Variants in CUBN observed in about 807,000 individuals in gnomAD.
The protein encoded by CUBN is cubilin, also known as 460 kDa receptor.
CUBN carries 282 observed loss-of-function variants against 405.3 expected under a neutral mutation model. The observed-to-expected ratio is 0.70, with a 90% CI of 0.63 to 0.77. The LOEUF is 0.77. CUBN is among the 30% of genes least tolerant of loss of function. The probability of loss-of-function intolerance (pLI) is 0.00; values close to 1 mark genes in which losing one functional copy is unlikely to be tolerated. For synonymous variants in CUBN, 1,684 were observed against 1,617.0 expected (o/e 1.04, Z -0.99); for missense variants, 4,514 against 4,475.2 (o/e 1.01, Z -0.25).
rs757720260 is a variant in CUBN, at chr10:16,937,638, C to G, written c.5880G>C (p.Trp1960Cys). 1.2e-6 allele frequency: 2 copies of G among 1,613,898 alleles called. No individual in the cohort carries two copies. Among genetic ancestry groups the G allele is most frequent in the South Asian group, 2.2e-5 (2 of 91,080 alleles). The part of the protein sequence containing the change: ...SISGKGFLLE[W>C]FAVDAPDGVL... ...CACCATCAGGTGCATCCACTGCAAA[C>G]CACTCCAGAAGGAATCCCTTCCCTG... is the stretch of plus-strand genomic sequence containing the variant. The change falls in exon 39 of 67, where the codon TGG (tryptophan) becomes TGC (cysteine). Residue 1960 changes from tryptophan to cysteine, a missense_variant. Physicochemically the swap from Trp to Cys is radical, Grantham distance 215. Transcript: ENST00000377833.
At chr10:17,053,842 T>G (rs1437118400) in intron 22 of CUBN, among the ~76,000 whole-genome samples, 1 of 152,036 alleles carries the variant, frequency 6.6e-6, no homozygotes, top group Non-Finnish European at 1.5e-5. Flanking sequence ...TCCATAAATT[T>G]TAAACAATTG....
At chr10:17,007,836 T>C (rs1021862720) in intron 28 of CUBN, among the ~76,000 whole-genome samples, 1 of 152,160 alleles carries the variant, frequency 6.6e-6, no homozygotes, top group African/African-American at 2.4e-5. Context: ...CCTTCTGATA[T>C]GTTACACACA....
intron 27 of CUBN, among the ~76,000 whole-genome samples, chr10:17,022,670 G>C (rs962197071): frequency 3.3e-5 from 5 of 152,204 alleles, no homozygotes; most frequent in Admixed American, 2.0e-4. Context: ...CCCTGCAGGA[G>C]ATTCATCTCA....
chr10:16,930,247 C>G (rs1588660440), intron 40 of CUBN, among the ~76,000 whole-genome samples: 1 of 152,202 alleles, frequency 6.6e-6, no homozygotes, highest in Admixed American at 6.5e-5. Flanking sequence ...TCAAGACTGA[C>G]ATTTATTGAG....
At chr10:17,057,686 A>G (rs1045945486) in intron 22 of CUBN, among the ~76,000 whole-genome samples, 64 of 151,586 alleles carry the variant, frequency 4.2e-4, no homozygotes, top group Admixed American at 6.0e-4. Context: ...AAAAACTGGG[A>G]AAAAAAAGCT....
intron 66 of CUBN, 74 bp from the exon 67 acceptor site, chr10:16,825,156 T>G (rs1564371273): frequency 1.6e-5 from 16 of 1,003,424 alleles, no homozygotes; most frequent in Non-Finnish European, 2.4e-5. Context: ...GTTAGCCTAG[T>G]AACAAAGTAC....
rs1406531967 is a variant in CUBN at position 16,865,276 on chromosome 10, AAC to A, written c.9454+4358_9454+4359del. On this transcript the variant is annotated intron_variant, in intron 59 of 66. Coordinates refer to ENST00000377833, the MANE Select transcript of CUBN (RefSeq NM_001081.4). The stretch of plus-strand genomic sequence containing the variant: ...TGAGCCACCGTGCCCAGCCTACCTG[AAC>A]ATATTTATACATTTGTTGGACTGTA... Among the ~76,000 whole-genome samples the A allele has an allele frequency of 2.8e-4, 42 of 151,994 alleles. 1 individual carries two copies. Among genetic ancestry groups the A allele is most frequent in the Non-Finnish European group, 3.1e-4 (21 of 67,984 alleles).
intron 56 of CUBN, among the ~76,000 whole-genome samples, chr10:16,883,377 GAATAA>G (rs973817042): frequency 6.6e-6 from 1 of 152,146 alleles, no homozygotes; most frequent in African/African-American, 2.4e-5. Context: ...TCTGCCAGTT[GAATAA>G]AATATCAATA....
chr10:17,121,465 A>T (rs1418731389), intron 6 of CUBN, among the ~76,000 whole-genome samples: 1 of 145,508 alleles, frequency 6.9e-6, no homozygotes, highest in Non-Finnish European at 1.5e-5. Flanking sequence ...CAAACACCGC[A>T]TGTTCTCACT....
At chr10:16,857,186 T>C (rs1839890720) in intron 59 of CUBN, among the ~76,000 whole-genome samples, 2 of 152,264 alleles carry the variant, frequency 1.3e-5, no homozygotes, top group African/African-American at 4.8e-5. Flanking sequence ...GTAGTTTTTG[T>C]AATGAGGTTT....
At chr10:16,882,901 C>G (rs988754317) in intron 56 of CUBN, among the ~76,000 whole-genome samples, 27 of 152,052 alleles carry the variant, frequency 1.8e-4, no homozygotes, top group African/African-American at 6.5e-4. Context: ...GTAATCCCAG[C>G]TACTCGGGAG....
In CUBN at chr10:16,918,812, A is replaced by G; in HGVS notation, c.6822-12T>C. ...AGTTGGAAGTACAGCTGAAGTGGGAACAAAATTCTGTTAAATTTACATGGT... is the reference window on the plus strand; with the variant it reads ...AGTTGGAAGTACAGCTGAAGTGGGAGCAAAATTCTGTTAAATTTACATGGT... On this transcript the variant is annotated splice_polypyrimidine_tract_variant and intron_variant, in intron 44 of 66. Transcript: ENST00000377833. 1 of 1,612,682 alleles carries G rather than the reference A, an allele frequency of 6.2e-7. No individual in the cohort carries two copies. The highest frequency in any genetic ancestry group is 8.5e-7 in the Non-Finnish European group (1 of 1,179,052).
At chr10:16,826,285 G>C (rs1335686433) in intron 66 of CUBN, among the ~76,000 whole-genome samples, 1 of 115,108 alleles carries the variant, frequency 8.7e-6, no homozygotes, top group Non-Finnish European at 1.8e-5. Context: ...AATATTACAA[G>C]TTTAACAAAC....
Position 17,071,590 on chromosome 10 carries a change from A to C in CUBN, c.2461T>G (p.Leu821Val), listed in dbSNP as rs777857742. Residue 821 changes from leucine to valine, a missense_variant, in exon 19 of 67, where the codon TTA (leucine) becomes GTA (valine). Coordinates refer to ENST00000377833, the MANE Select transcript of CUBN (RefSeq NM_001081.4). ...AVYQVACGDE[L>V]TGEGVIRSPF... Reference sequence around the variant, plus strand: ...GAGCGAATGACCCCTTCTCCAGTTAATTCATCCCCGCAAGCTGTAAGCATA... The same window carrying C: ...GAGCGAATGACCCCTTCTCCAGTTACTTCATCCCCGCAAGCTGTAAGCATA... The C allele has an allele frequency of 4.1e-5, 66 of 1,613,566 alleles. No homozygotes were observed. Among genetic ancestry groups the C allele is most frequent in the Non-Finnish European group, 5.4e-5 (64 of 1,179,890 alleles).
intron 56 of CUBN, among the ~76,000 whole-genome samples, chr10:16,884,089 C>T (rs968647414): frequency 6.6e-6 from 1 of 152,224 alleles, no homozygotes; most frequent in Non-Finnish European, 1.5e-5. Flanking sequence ...ACGCCATTCT[C>T]CTGCTTCAGC....
intron 56 of CUBN, among the ~76,000 whole-genome samples, chr10:16,877,942 A>G (rs527629215): frequency 6.6e-6 from 1 of 152,360 alleles, no homozygotes; most frequent in South Asian, 2.1e-4. Context: ...ATTTGTATCA[A>G]TATGAAATTA....
At chr10:17,034,734 T>C (rs1834858912) in intron 27 of CUBN, among the ~76,000 whole-genome samples, 1 of 152,190 alleles carries the variant, frequency 6.6e-6, no homozygotes, top group African/African-American at 2.4e-5. Context: ...TGCAATCTTT[T>C]GTAAAGGAAA....
chr10:17,006,713 A>G (rs1012050391), intron 28 of CUBN, among the ~76,000 whole-genome samples: 11 of 152,206 alleles, frequency 7.2e-5, no homozygotes, highest in African/African-American at 2.4e-4. Flanking sequence ...GGTAGTCAAG[A>G]AGGCACTGGC....
At chr10:16,869,898 C>T (rs373368006) in intron 58 of CUBN, 45 bp from the exon 59 acceptor site, 32 of 1,395,236 alleles carry the variant, frequency 2.3e-5, no homozygotes, top group South Asian at 2.0e-4. Context: ...ATTTGGACTT[C>T]TATTAAATTG....
Sources: allele counts gnomAD v4.1 joint callset (sites outside exome capture counted in the v4.1 genomes callset), GRCh38; gene constraint gnomAD v4.1.1; transcripts MANE v1.5; gene names NCBI Gene and HGNC (gene_info 2026-07-23, HGNC 2026-07-21).